TMEM230: variants seen among roughly 807,000 people sequenced by gnomAD.
TMEM230 encodes UPF0414 transmembrane protein C20orf30.
TMEM230 carries 10 observed loss-of-function variants against 15.8 expected under a neutral mutation model. The ratio of observed to expected loss-of-function variants is 0.63; its 90% CI spans 0.39 to 1.07. TMEM230 has a LOEUF of 1.07. Among genes scored for constraint, TMEM230 ranks in the 50% least tolerant of loss-of-function variants. The pLI is 0.01. For synonymous variants in TMEM230, 67 were observed against 76.9 expected, an observed-to-expected ratio of 0.87 and a Z score of 0.68; for missense variants, 165 against 193.3, an observed-to-expected ratio of 0.85 and a Z score of 0.87.
At chr20:5,078,623 C>T (rs6084986) in intron 3 of TMEM230, among the ~76,000 whole-genome samples, 70,648 of 151,132 alleles carry the variant, frequency 0.47, 18,009 homozygotes, top group East Asian at 0.84. Context: ...ACTCTAGGAC[C>T]GTGGCAGAGG....
chr20:5,101,626 C>T lies in TMEM230; in HGVS notation c.412-695G>A, dbSNP rs570387674. Among the ~76,000 whole-genome samples, 9 of 152,172 alleles carry T rather than the reference C, an allele frequency of 5.9e-5. No individual in the cohort carries two copies. In the South Asian group the frequency reaches 1.9e-3, roughly 32 times the overall value. On this transcript the variant is annotated intron_variant, in intron 4 of 4. Transcript: ENST00000342308. ...TTTGTTTGGTAGAGATGAGGTCTCGCTATGTTGCCCAGGCTGGTCTCGAAC... is the reference window on the plus strand; with the variant it reads ...TTTGTTTGGTAGAGATGAGGTCTCGTTATGTTGCCCAGGCTGGTCTCGAAC...
At chr20:5,092,300 G>A (rs913265472) in intron 3 of TMEM230, among the ~76,000 whole-genome samples, 51 of 152,308 alleles carry the variant, frequency 3.3e-4, no homozygotes, top group African/African-American at 1.2e-3. Context: ...TCCTGGGCCA[G>A]CATCAGTCCA....
chr20:5,071,640 A>AC (rs1406685034), intron 3 of TMEM230, among the ~76,000 whole-genome samples: 1 of 76 alleles, frequency 0.013, no homozygotes, highest in Non-Finnish European at 0.026. Flanking sequence ...AAAAAAAAAC[A>AC]AAAAGGGTAC....
intron 2 of TMEM230, among the ~76,000 whole-genome samples, chr20:5,110,269 G>A (rs561938156): frequency 2.6e-4 from 39 of 151,638 alleles, no homozygotes; most frequent in South Asian, 8.4e-4. Flanking sequence ...CATGGTGGCC[G>A]GGCTGGTCTT....
rs1568504799 is a variant in TMEM230, at chr20:5,106,117, ACACG to A, written c.411+67_411+70del. On this transcript the variant is annotated intron_variant, in intron 4 of 4. Coordinates refer to ENST00000342308, the MANE Select transcript of TMEM230 (RefSeq NM_001009923.2). ...CACACACACACACACACACACACAC[ACACG>A]CACACTAGAGCCTTGGCTAACATTT... 7.5e-4 allele frequency: 1,151 copies of A among 1,531,480 alleles called. 6 individuals are homozygous for A. The African/African-American group carries it at 0.012, about 15-fold the overall frequency. The allele number at this position is 1,531,480 out of a possible 1,614,324, so 94.9% of individuals were successfully genotyped here.
At chr20:5,091,892 A>G (rs1011850314) in intron 3 of TMEM230, among the ~76,000 whole-genome samples, 2 of 152,200 alleles carry the variant, frequency 1.3e-5, no homozygotes, top group Non-Finnish European at 2.9e-5. Flanking sequence ...ACATTTGGAG[A>G]ACCTAAGTAC....
rs111274881 is a variant in TMEM230 at position 5,112,186 on chromosome 20, A to G, written c.69-581T>C. ...TTGCAGTCAATGTAAAATAACTAGCATAATTAAATAATTGGTGCTAAATAT... is the reference window on the plus strand; with the variant it reads ...TTGCAGTCAATGTAAAATAACTAGCGTAATTAAATAATTGGTGCTAAATAT... On this transcript the variant is annotated intron_variant, in intron 1 of 4. Transcript: ENST00000342308. Among the ~76,000 whole-genome samples the G allele has an allele frequency of 4.2e-3, 638 of 152,380 alleles. 2 individuals are homozygous for G. Among genetic ancestry groups the G allele is most frequent in the Middle Eastern group, 0.014 (4 of 294 alleles).
intron 3 of TMEM230, 181 bp downstream of exon 2, chr20:5,109,151 A>C: frequency 1.9e-6 from 1 of 529,198 alleles, no homozygotes; most frequent in Non-Finnish European, 3.3e-6. Flanking sequence ...AATTGGTTTG[A>C]AACTACCCTG....
chr20:5,062,646 C>T, the TMEM230 span, among the ~76,000 whole-genome samples: 183 of 152,136 alleles, frequency 1.2e-3, no homozygotes, highest in African/African-American at 4.1e-3. Flanking sequence ...GCTTGTAGTC[C>T]CAGCTACTCA....
chr20:5,092,242 A>G (rs2089529614), intron 3 of TMEM230, among the ~76,000 whole-genome samples: 1 of 152,148 alleles, frequency 6.6e-6, no homozygotes, highest in Admixed American at 6.6e-5. Context: ...GGAGAAAAAT[A>G]TAGTGGAAGA....
intron 3 of TMEM230, among the ~76,000 whole-genome samples, chr20:5,073,597 G>A (rs186933798): frequency 8.5e-5 from 13 of 152,316 alleles, no homozygotes; most frequent in Admixed American, 8.5e-4. Flanking sequence ...CAGCTCAGAC[G>A]CCAGAGATAG....
At chr20:5,097,372 C>T (rs1483201822), downstream of TMEM230, among the ~76,000 whole-genome samples, 1 of 152,126 alleles carries the variant, frequency 6.6e-6, no homozygotes, top group Non-Finnish European at 1.5e-5. Context: ...GGGTTTTTAG[C>T]CTTGGAAATG....
rs186368464 is a variant in TMEM230, at chr20:5,069,288, C to T, written c.284G>A (p.Arg95His). The T allele has an allele frequency of 9.4e-4, 1,443 of 1,536,014 alleles. 1 individual carries two copies. Among genetic ancestry groups the T allele is most frequent in the Non-Finnish European group, 1.2e-3 (1,366 of 1,146,854 alleles). ...ACTGATGCCTCCCATCATGTACCCA[C>T]GGGATGCTGGTAGATGTTTGTGGTC... The change falls in exon 4 of 4, where the codon CGT (arginine) becomes CAT (histidine). Residue 95 changes from arginine to histidine, a missense_variant. By Grantham distance (29) the Arg-to-His change is conservative. Coordinates refer to the TMEM230 transcript ENST00000612323.
chr20:5,106,376 TTTAA>T lies in TMEM230; in HGVS notation c.289-70_289-67del, dbSNP rs368646469. On this transcript the variant is annotated intron_variant, in intron 3 of 4. Coordinates refer to ENST00000342308, the MANE Select transcript of TMEM230 (RefSeq NM_001009923.2). ...TAATGCAAATACCTGGGTTCAAACA[TTTAA>T]TTAATTATTTGTAATTTTTATGTTT... 4.7e-4 allele frequency: 711 copies of T among 1,504,508 alleles called. 5 individuals carry two copies. In the African/African-American group the frequency reaches 8.7e-3, roughly 18 times the overall value. 93.2% of individuals were successfully genotyped at this position (1,504,508 alleles called of 1,614,324 possible). A position where few individuals can be genotyped will look rare whatever the true frequency, so the allele number is the denominator to read the frequency against.
chr20:5,106,550 C>G, intron 3 of TMEM230, among the ~76,000 whole-genome samples: 1 of 152,042 alleles, frequency 6.6e-6, no homozygotes, highest in East Asian at 1.9e-4. Flanking sequence ...GTTACAGGTG[C>G]CCGCCACTAC....
intron 3 of TMEM230, among the ~76,000 whole-genome samples, chr20:5,076,676 CTTTTTTT>C (rs763498321): frequency 7.8e-6 from 1 of 127,482 alleles, no homozygotes; most frequent in South Asian, 2.4e-4. Flanking sequence ...GATTGATATT[CTTTTTTT>C]TTTTTTTTTT....
downstream of TMEM230, among the ~76,000 whole-genome samples, chr20:5,095,729 G>C (rs372654800): frequency 4.6e-5 from 7 of 152,290 alleles, no homozygotes; most frequent in Admixed American, 3.3e-4. Flanking sequence ...TAGGGTTCTT[G>C]ACATACAGGG....
At chr20:5,101,465 G>A (rs1465460072) in intron 4 of TMEM230, among the ~76,000 whole-genome samples, 1 of 151,228 alleles carries the variant, frequency 6.6e-6, no homozygotes, top group African/African-American at 2.4e-5. Flanking sequence ...TCTGTTGCTC[G>A]GGCTGGAGTA....
At chr20:5,086,836 A>C (rs2089352361) in intron 3 of TMEM230, among the ~76,000 whole-genome samples, 1 of 151,786 alleles carries the variant, frequency 6.6e-6, no homozygotes, top group Non-Finnish European at 1.5e-5. Context: ...AGTAGCTGGG[A>C]CTACAGATGC....
Sources: allele counts gnomAD v4.1 joint callset (sites outside exome capture counted in the v4.1 genomes callset), GRCh38; gene constraint gnomAD v4.1.1; transcripts MANE v1.5; gene names NCBI Gene and HGNC (gene_info 2026-07-23, HGNC 2026-07-21).